The following WAC variants were observed in gnomAD, a reference collection of about 807,000 sequenced individuals.
The protein encoded by WAC is WW domain containing adaptor with coiled-coil, also known as WW domain-containing adapter protein with coiled-coil.
WAC carries 11 observed loss-of-function variants against 79.6 expected under a neutral mutation model. The observed-to-expected ratio is 0.14, with a 90% CI of 0.09 to 0.23. WAC has a LOEUF of 0.23. Among genes scored for constraint, WAC ranks in the 10% least tolerant of loss-of-function variants. The pLI is 1.00. For synonymous variants in WAC, 304 were observed against 276.9 expected, an observed-to-expected ratio of 1.10 and a Z score of -0.97; for missense variants, 728 against 773.5, an observed-to-expected ratio of 0.94 and a Z score of 0.70.
Position 28,566,167 on chromosome 10 carries a change from C to A in WAC, c.275-17232C>A, listed in dbSNP as rs538553971. ...TCAGACAAAGCTCCAGGGAAGAATA[C>A]TTTCTGTCTTACTCTTTTGGTGTCT... is the stretch of plus-strand genomic sequence containing the variant. On this transcript the variant is annotated intron_variant, in intron 3 of 13. Transcript: ENST00000354911. Among the ~76,000 whole-genome samples the A allele has an allele frequency of 3.5e-4, 53 of 152,232 alleles. No homozygotes were observed. In the East Asian group the frequency reaches 6.7e-3, roughly 19 times the overall value.
intron 11 of WAC, chr10:28,615,546 T>G (rs1462182818): frequency 1.3e-5 from 2 of 152,236 alleles, no homozygotes; most frequent in African/African-American, 4.8e-5. Context: ...TAACTGAAAT[T>G]CATTCAGAGC....
chr10:28,559,136 A>ATGTGTGTGTG (rs111740298), intron 3 of WAC, among the ~76,000 whole-genome samples: 2,798 of 146,742 alleles, frequency 0.019, 43 homozygotes, highest in Middle Eastern at 0.034. Flanking sequence ...GAGAAACCTG[A>ATGTGTGTGTG]TGTGTGTGTG....
At position 28,596,021 on chromosome 10, in the gene WAC, C is replaced by T. The variant is rs750565095; in HGVS notation, c.899C>T (p.Ala300Val). 5 of 1,613,706 alleles carry T rather than the reference C, an allele frequency of 3.1e-6. No individual in the cohort carries two copies. Among genetic ancestry groups the T allele is most frequent in the Non-Finnish European group, 4.2e-6 (5 of 1,179,866 alleles). Residue 300 changes from alanine to valine, a missense_variant, in exon 7 of 14, where the codon GCA (alanine) becomes GTA (valine). Physicochemically the swap from Ala to Val is moderately conservative, Grantham distance 64. This residue lies in a region of WAC where 648 missense variants were observed against 661.5 expected (regional missense o/e 0.98). Transcript: ENST00000354911. ...KLPTPTSSVP[A>V]QKTERKESTS... is the part of the protein sequence containing the mutation. ...CCTACACCCACATCTTCTGTCCCTG[C>T]ACAGAAAACAGAAAGAAAAGGTATG...
chr10:28,547,667 T>C (rs1461678382), intron 3 of WAC, among the ~76,000 whole-genome samples: 1 of 152,188 alleles, frequency 6.6e-6, no homozygotes, highest in Non-Finnish European at 1.5e-5. Flanking sequence ...TCATTTATCC[T>C]TTAATTTTTT....
chr10:28,552,478 G>A (rs1837734395), intron 3 of WAC, among the ~76,000 whole-genome samples: 1 of 152,216 alleles, frequency 6.6e-6, no homozygotes, highest in South Asian at 2.1e-4. Flanking sequence ...GGAATGCAAG[G>A]AAGCATATAG....
intron 1 of WAC, 33 bp from the exon 2 acceptor site, chr10:28,533,965 C>G (rs745880058): frequency 6.2e-7 from 1 of 1,605,172 alleles, no homozygotes; most frequent in Non-Finnish European, 8.5e-7. Flanking sequence ...CGCGCCGTGT[C>G]TTATGTCGCT....
intron 3 of WAC, among the ~76,000 whole-genome samples, chr10:28,540,596 A>G (rs1836956098): frequency 6.6e-6 from 1 of 152,224 alleles, no homozygotes; most frequent in Non-Finnish European, 1.5e-5. Context: ...AATCCCTCAT[A>G]TTTAAAGACT....
At position 28,621,914 on chromosome 10, in the gene WAC, G is replaced by GT. The variant is rs1172715046; in HGVS notation, c.*2310dup. ...TTTCTTGAGACAGAGTTTCACTCTT[G>GT]TTGCCCAGGCTGGAGTGCAATGGCA... On this transcript the variant is annotated 3_prime_UTR_variant, in exon 14 of 14. Transcript: ENST00000354911. 6.6e-6 allele frequency: 1 copy of GT among 152,058 alleles called. No homozygotes were observed. Among genetic ancestry groups the GT allele is most frequent in the Admixed American group, 6.6e-5 (1 of 15,244 alleles). 9.4% of individuals were successfully genotyped at this position (152,058 alleles called of 1,614,324 possible).
At chr10:28,593,739 A>AT (rs1340744325) in intron 6 of WAC, among the ~76,000 whole-genome samples, 6 of 152,132 alleles carry the variant, frequency 3.9e-5, no homozygotes, top group African/African-American at 1.4e-4. Flanking sequence ...TCAAAAAAAA[A>AT]AAAATAAAAT....
intron 10 of WAC, among the ~76,000 whole-genome samples, chr10:28,614,063 T>G (rs1841365343): frequency 6.6e-6 from 1 of 152,262 alleles, no homozygotes. Context: ...TCAGAAGAGA[T>G]AATAATGTAT....
At chr10:28,619,014 A>G (rs777051662) in intron 13 of WAC, among the ~76,000 whole-genome samples, 14 of 152,198 alleles carry the variant, frequency 9.2e-5, no homozygotes, top group Non-Finnish European at 1.6e-4. Flanking sequence ...CGCGGTGGCT[A>G]ACGCCTGTAA....
chr10:28,589,003 TTG>T (rs1839963405), intron 4 of WAC: 1 of 152,208 alleles, frequency 6.6e-6, no homozygotes, highest in South Asian at 2.1e-4. Flanking sequence ...TAACTAATCT[TTG>T]TGAGATTCGT....
intron 3 of WAC, among the ~76,000 whole-genome samples, chr10:28,562,153 T>G (rs1307206812): frequency 6.6e-6 from 1 of 152,102 alleles, no homozygotes; most frequent in Non-Finnish European, 1.5e-5. Flanking sequence ...GCCTCCTGAG[T>G]TCAAGTGATT....
In WAC at chr10:28,617,687, A is replaced by G. The variant is rs569800060; in HGVS notation, c.1777A>G (p.Met593Val). ...AAGATTACGCGAAGAAGCGCATAAC[A>G]TGGGAACTATTCACATGTCCGAAAT... Reference protein sequence around the residue: ...ASRLREEAHNMGTIHMSEICT... With the variant: ...ASRLREEAHNVGTIHMSEICT... The change falls in exon 13 of 14, where the codon ATG (methionine) becomes GTG (valine). Residue 593 changes from methionine (M) to valine (V), a missense_variant. Coordinates refer to ENST00000354911, the MANE Select transcript of WAC (RefSeq NM_016628.5). 8.7e-5 allele frequency: 138 copies of G among 1,592,832 alleles called. 1 individual carries two copies. In the South Asian group the frequency reaches 1.6e-3, roughly 18 times the overall value.
At chr10:28,554,318 C>T (rs1241545965) in intron 3 of WAC, among the ~76,000 whole-genome samples, 1 of 152,140 alleles carries the variant, frequency 6.6e-6, no homozygotes, top group Non-Finnish European at 1.5e-5. Context: ...ATGACTGTAC[C>T]TAAATGTGAT....
At chr10:28,611,715 CT>C (rs1446787722) in intron 9 of WAC, 58 bp from the exon 10 acceptor site, 4 of 1,583,690 alleles carry the variant, frequency 2.5e-6, no homozygotes, top group Middle Eastern at 1.7e-4. Flanking sequence ...TTACAAAGGA[CT>C]TTAGTTTTTT....
At chr10:28,559,262 T>C (rs534177516) in intron 3 of WAC, among the ~76,000 whole-genome samples, 8 of 152,124 alleles carry the variant, frequency 5.3e-5, no homozygotes, top group Non-Finnish European at 7.4e-5. Context: ...TAGTAAGATA[T>C]GCTTGGGAAG....
chr10:28,590,658 T>C lies in WAC; in HGVS notation c.498-62T>C, dbSNP rs573660828. On this transcript the variant is annotated intron_variant, in intron 5 of 13. Transcript: ENST00000354911. Reference sequence around the variant, plus strand: ...TGTTAGGCATTTGGCCAGAGCTGTTTAGTATGGAAACTCATGCCCTTAATG... The same window carrying C: ...TGTTAGGCATTTGGCCAGAGCTGTTCAGTATGGAAACTCATGCCCTTAATG... The C allele has an allele frequency of 2.6e-3, 3,524 of 1,380,396 alleles. 12 individuals are homozygous for C. Among genetic ancestry groups the C allele is most frequent in the Non-Finnish European group, 3.0e-3 (3,065 of 1,009,742 alleles). The allele number at this position is 1,380,396 out of a possible 1,614,324, so 85.5% of individuals were successfully genotyped here.
chr10:28,568,600 T>G (rs983385572), intron 3 of WAC, among the ~76,000 whole-genome samples: 12 of 152,096 alleles, frequency 7.9e-5, no homozygotes, highest in African/African-American at 2.9e-4. Context: ...AACGTGAGGT[T>G]TGTTACATAT....
Sources: allele counts gnomAD v4.1 joint callset (sites outside exome capture counted in the v4.1 genomes callset), GRCh38; gene constraint gnomAD v4.1.1; regional missense constraint gnomAD v4.1.1; transcripts MANE v1.5; gene names NCBI Gene and HGNC (gene_info 2026-07-23, HGNC 2026-07-21).